DOCK8: variants seen among roughly 807,000 people sequenced by gnomAD.
The protein encoded by DOCK8 is dedicator of cytokinesis protein 8.
A neutral mutation model predicts 245.6 loss-of-function variants in DOCK8; 141 were observed. That is an observed-to-expected ratio of 0.57 (90% CI 0.50 to 0.66). The LOEUF is 0.66. DOCK8 is among the 30% of genes least tolerant of loss of function. The pLI, the probability that DOCK8 is intolerant of heterozygous loss-of-function variation, is 0.00. For synonymous variants in DOCK8, 1,168 were observed against 970.2 expected, an observed-to-expected ratio of 1.20 and a Z score of -3.79; for missense variants, 2,965 against 2,603.4, an observed-to-expected ratio of 1.14 and a Z score of -3.02.
Position 308,331 on chromosome 9 carries a change from A to G in DOCK8, c.529-3623A>G, listed in dbSNP as rs557985766. ...CTGTATTCCATAAATAGGTACAACT[A>G]TTATGTGTCTATTAAATTTTTTTAA... On this transcript the variant is annotated intron_variant, in intron 5 of 47. Coordinates refer to ENST00000432829, the MANE Select transcript of DOCK8 (RefSeq NM_203447.4). Among the ~76,000 whole-genome samples the G allele has an allele frequency of 8.5e-5, 13 of 152,324 alleles. 1 individual carries two copies. The highest frequency in any genetic ancestry group is 7.8e-4 in the Admixed American group (12 of 15,302).
chr9:422,723 G>A (rs901756526), intron 33 of DOCK8, among the ~76,000 whole-genome samples: 2 of 152,210 alleles, frequency 1.3e-5, no homozygotes, highest in South Asian at 4.1e-4. Flanking sequence ...TGTGGCTCAC[G>A]CCTGTAATCC....
At position 371,575 on chromosome 9, in the gene DOCK8, T is replaced by A. The variant is rs1219338676; in HGVS notation, c.2007+9T>A. The A allele has an allele frequency of 4.3e-6, 7 of 1,614,186 alleles. No individual in the cohort carries two copies. Among genetic ancestry groups the A allele is most frequent in the Non-Finnish European group, 5.9e-6 (7 of 1,180,014 alleles). On this transcript the variant is annotated intron_variant, in intron 17 of 47. Coordinates refer to ENST00000432829, the MANE Select transcript of DOCK8 (RefSeq NM_203447.4). ...CTCTCCTGGGATATTCAGTGAGTTG[T>A]TTCCAGCCTGCTGACTCACACTGCA...
intron 42 of DOCK8, 53 bp from the exon 43 acceptor site, chr9:443,374 G>C: frequency 6.6e-7 from 1 of 1,517,564 alleles, no homozygotes; most frequent in Non-Finnish European, 9.1e-7. Flanking sequence ...AGAAGACAAA[G>C]AGTTGCATTA....
At chr9:379,695 T>C (rs985062531) in intron 20 of DOCK8, 76 bp from the exon 21 acceptor site, 8 of 1,526,190 alleles carry the variant, frequency 5.2e-6, no homozygotes, top group African/African-American at 1.4e-5. Context: ...TCATTGTCAC[T>C]GTCCTGGAGA....
chr9:263,409 G>A (rs192018172), intron 1 of DOCK8, among the ~76,000 whole-genome samples: 56 of 151,978 alleles, frequency 3.7e-4, no homozygotes, highest in Admixed American at 1.5e-3. Flanking sequence ...CATGAAATCC[G>A]TTTACCCCTC....
intron 14 of DOCK8, among the ~76,000 whole-genome samples, chr9:344,726 A>G (rs574080105): frequency 2.0e-5 from 3 of 152,334 alleles, no homozygotes; most frequent in African/African-American, 7.2e-5. Flanking sequence ...GATAACAGGT[A>G]TGGATTAGTC....
At chr9:401,535 A>G (rs2055102051) in intron 26 of DOCK8, among the ~76,000 whole-genome samples, 1 of 152,098 alleles carries the variant, frequency 6.6e-6, no homozygotes, top group Non-Finnish European at 1.5e-5. Flanking sequence ...TCATTAGGAA[A>G]CAGCTGTCCA....
At chr9:456,907 G>C (rs1360928619) in intron 46 of DOCK8, 4 of 152,156 alleles carry the variant, frequency 2.6e-5, no homozygotes, top group Admixed American at 1.3e-4. Context: ...AAAGATAGTA[G>C]TACTCACTGG....
intron 26 of DOCK8, among the ~76,000 whole-genome samples, chr9:400,890 CCACCTCCCCCACTACCAA>C (rs1465708378): frequency 9.8e-6 from 1 of 101,842 alleles, no homozygotes; most frequent in East Asian, 4.2e-4. Context: ...TCCACCACCA[CCACCTCCCCCACTACCAA>C]CAGCTCCTTC....
intron 4 of DOCK8, among the ~76,000 whole-genome samples, chr9:303,118 C>T (rs1194070866): frequency 6.6e-6 from 1 of 151,806 alleles, no homozygotes; most frequent in African/African-American, 2.4e-5. Flanking sequence ...TATAATCACA[C>T]CACTGCACTC....
rs1242916219 is a variant in DOCK8, at chr9:377,052, G to C, written c.2281G>C (p.Asp761His). 2.4e-5 allele frequency: 39 copies of C among 1,613,712 alleles called. No individual in the cohort carries two copies. The highest frequency in any genetic ancestry group is 3.1e-5 in the Non-Finnish European group (37 of 1,180,022). The part of the protein sequence containing the change: ...SQVTFPIRVL[D>H]QKISEMALEH... ...GGTGACCTTCCCCATCCGCGTGCTG[G>C]ATCAGAAAATCAGCGAGATGGCGCT... Residue 761 changes from aspartate (D) to histidine (H), a missense_variant, in exon 20 of 48, where the codon GAT (aspartate) becomes CAT (histidine). Transcript: ENST00000432829.
chr9:244,143 G>A (rs903615589), intron 1 of DOCK8, among the ~76,000 whole-genome samples: 8 of 146,618 alleles, frequency 5.5e-5, no homozygotes, highest in African/African-American at 1.3e-4. Flanking sequence ...AGCAGAGATC[G>A]CGCCACTGCA....
chr9:270,525 G>A (rs926405983), intron 1 of DOCK8, among the ~76,000 whole-genome samples: 1 of 152,204 alleles, frequency 6.6e-6, no homozygotes, highest in Non-Finnish European at 1.5e-5. Context: ...CTTTCTAGGT[G>A]TAACTCATTG....
chr9:286,131 G>A (rs1430424445), intron 2 of DOCK8, among the ~76,000 whole-genome samples: 3 of 152,138 alleles, frequency 2.0e-5, no homozygotes, highest in Admixed American at 1.3e-4. Flanking sequence ...AGCCTTTGCG[G>A]GAGAAATTAT....
At chr9:231,425 C>G (rs2047114284) in intron 1 of DOCK8, among the ~76,000 whole-genome samples, 1 of 152,058 alleles carries the variant, frequency 6.6e-6, no homozygotes, top group Non-Finnish European at 1.5e-5. Flanking sequence ...GTAGTTTTTT[C>G]CAATTCTGTG....
Position 424,808 on chromosome 9 carries a change from G to T in DOCK8, c.4242-2077G>T, listed in dbSNP as rs557221010. Among the ~76,000 whole-genome samples the T allele has an allele frequency of 5.9e-4, 90 of 152,318 alleles. 1 individual carries two copies. Among genetic ancestry groups the T allele is most frequent in the African/African-American group, 2.1e-3 (88 of 41,584 alleles). ...GAACTGTATACTTACAAATGGTTAA[G>T]ATGGTAAATTTTTATGTTAGGTGTA... On this transcript the variant is annotated intron_variant, in intron 33 of 47. Transcript: ENST00000432829.
intron 1 of DOCK8, among the ~76,000 whole-genome samples, chr9:267,085 A>G (rs1007925306): frequency 8.5e-5 from 13 of 152,192 alleles, no homozygotes; most frequent in Admixed American, 5.9e-4. Flanking sequence ...GGGGTGCTAT[A>G]TGTTCTTTTG....
chr9:463,731 C>T, intron 47 of DOCK8, 44 bp downstream of exon 47: 1 of 1,610,098 alleles, frequency 6.2e-7, no homozygotes. Context: ...GGATAAAGAG[C>T]AGCGCATGGG....
intron 7 of DOCK8, among the ~76,000 whole-genome samples, chr9:325,347 G>A (rs2050715533): frequency 6.6e-6 from 1 of 152,138 alleles, no homozygotes; most frequent in Non-Finnish European, 1.5e-5. Context: ...TGAAAACACA[G>A]TAGTTACAAT....
Sources: allele counts gnomAD v4.1 joint callset (sites outside exome capture counted in the v4.1 genomes callset), GRCh38; gene constraint gnomAD v4.1.1; transcripts MANE v1.5; gene names NCBI Gene and HGNC (gene_info 2026-07-23, HGNC 2026-07-21).